The following ELF1 variants were observed in gnomAD, a reference collection of about 807,000 sequenced individuals.
ELF1 encodes E74 like ETS transcription factor 1.
A neutral mutation model predicts 59.9 loss-of-function variants in ELF1; 24 were observed. That is an observed-to-expected ratio of 0.40 (90% CI 0.29 to 0.56). The LOEUF (loss-of-function observed/expected upper bound fraction) is 0.56. Among genes scored for constraint, ELF1 ranks in the 20% least tolerant of loss-of-function variants. ELF1 has a pLI of 0.44. For missense variants in ELF1, 627 were observed against 742.2 expected, an observed-to-expected ratio of 0.84 and a Z score of 1.80; for synonymous variants, 248 against 266.2, an observed-to-expected ratio of 0.93 and a Z score of 0.67.
intron 1 of ELF1, among the ~76,000 whole-genome samples, chr13:41,047,624 G>A (rs894001948): frequency 6.6e-6 from 1 of 152,216 alleles, no homozygotes; most frequent in Non-Finnish European, 1.5e-5. Context: ...GTTGCTGCCT[G>A]ATCATTCCTC....
At chr13:40,944,618 T>C (rs1870393726) in intron 5 of ELF1, among the ~76,000 whole-genome samples, 2 of 152,188 alleles carry the variant, frequency 1.3e-5, no homozygotes, top group Non-Finnish European at 2.9e-5. Flanking sequence ...CGATAAACTA[T>C]TCTAAAGCCG....
chr13:41,017,612 C>T (rs1875483393), intron 1 of ELF1, among the ~76,000 whole-genome samples: 1 of 152,058 alleles, frequency 6.6e-6, no homozygotes, highest in Non-Finnish European at 1.5e-5. Flanking sequence ...CCTTGAAACT[C>T]CACTTCAGTC....
At chr13:41,043,683 C>G (rs1332701037) in intron 1 of ELF1, among the ~76,000 whole-genome samples, 2 of 152,154 alleles carry the variant, frequency 1.3e-5, no homozygotes, top group African/African-American at 4.8e-5. Flanking sequence ...GTAGCAATAC[C>G]ATGCTGTTTT....
chr13:41,020,048 T>C (rs1875628813), upstream of ELF1, among the ~76,000 whole-genome samples: 1 of 152,236 alleles, frequency 6.6e-6, no homozygotes, highest in Non-Finnish European at 1.5e-5. Flanking sequence ...TTCCAAATGA[T>C]AGCTACAGTT....
intron 1 of ELF1, chr13:40,993,130 C>G (rs1465420808): frequency 4.5e-6 from 7 of 1,565,080 alleles, no homozygotes; most frequent in Non-Finnish European, 6.2e-6. Flanking sequence ...TTTTGGCATT[C>G]CTCTAGGACC....
At chr13:40,993,525 G>A (rs1306998626) in intron 1 of ELF1, among the ~76,000 whole-genome samples, 1 of 152,148 alleles carries the variant, frequency 6.6e-6, no homozygotes, top group Admixed American at 6.5e-5. Flanking sequence ...TTGTTGCCCA[G>A]GCTGGAGGGC....
At chr13:41,016,429 A>T (rs1401654832) in intron 1 of ELF1, among the ~76,000 whole-genome samples, 1 of 152,170 alleles carries the variant, frequency 6.6e-6, no homozygotes, top group African/African-American at 2.4e-5. Flanking sequence ...CTTATTTCAA[A>T]GGAGGAGGAG....
intron 1 of ELF1, among the ~76,000 whole-genome samples, chr13:41,054,131 A>C (rs539098694): frequency 6.6e-6 from 1 of 152,312 alleles, no homozygotes; most frequent in South Asian, 2.1e-4. Flanking sequence ...ATTTTAAAAA[A>C]CCAACCCTTC....
chr13:40,991,861 C>T (rs1425361674), intron 1 of ELF1, among the ~76,000 whole-genome samples: 1 of 151,944 alleles, frequency 6.6e-6, no homozygotes, highest in East Asian at 1.9e-4. Context: ...TTGAAAGAAA[C>T]ATTTCTATAG....
intron 1 of ELF1, among the ~76,000 whole-genome samples, chr13:41,013,318 G>A (rs1875183620): frequency 6.6e-6 from 1 of 152,152 alleles, no homozygotes; most frequent in Non-Finnish European, 1.5e-5. Context: ...GGGGAACCAT[G>A]TACAAGTGTT....
At chr13:40,976,494 A>G (rs1872910802) in intron 2 of ELF1, among the ~76,000 whole-genome samples, 1 of 152,286 alleles carries the variant, frequency 6.6e-6, no homozygotes, top group South Asian at 2.1e-4. Flanking sequence ...CTGCATGAAA[A>G]AATCACTGGG....
rs188770244 is a variant in ELF1, at chr13:40,967,868, T to C, written c.73-8852A>G. ...TCGGCCTCCCAAAGTGCTGGGATTA[T>C]AGGTGTGAGCCACCATGCCTTGTCC... is the stretch of plus-strand genomic sequence containing the variant. On this transcript the variant is annotated intron_variant, in intron 2 of 8. Transcript: ENST00000239882. Among the ~76,000 whole-genome samples, 203 of 152,210 alleles carry C rather than the reference T, an allele frequency of 1.3e-3. 3 individuals carry two copies. The highest frequency in any genetic ancestry group is 3.8e-4 in the Non-Finnish European group (26 of 67,986).
At chr13:41,032,861 AAAAAC>A (rs1876223133) in intron 1 of ELF1, among the ~76,000 whole-genome samples, 1 of 150,886 alleles carries the variant, frequency 6.6e-6, no homozygotes. Context: ...AAAAAAAAAA[AAAAAC>A]AAACCAAAGA....
intron 3 of ELF1, among the ~76,000 whole-genome samples, chr13:40,956,679 CTT>C (rs796729160): frequency 7.1e-6 from 1 of 141,038 alleles, no homozygotes; most frequent in African/African-American, 2.6e-5. Context: ...GTCTCTATTA[CTT>C]TTTTTTTTTT....
intron 8 of ELF1, 138 bp downstream of exon 8, chr13:40,940,783 A>G: frequency 4.1e-6 from 4 of 980,692 alleles, no homozygotes; most frequent in Non-Finnish European, 5.8e-6. Context: ...CTGCTCCTGA[A>G]AAATCTGGTA....
At chr13:40,999,654 C>T (rs1055452863) in intron 1 of ELF1, among the ~76,000 whole-genome samples, 5 of 152,314 alleles carry the variant, frequency 3.3e-5, no homozygotes, top group African/African-American at 9.6e-5. Context: ...CATCCAAAAA[C>T]GATGAGGACA....
intron 2 of ELF1, among the ~76,000 whole-genome samples, chr13:40,976,140 T>G (rs1474598063): frequency 1.3e-5 from 2 of 152,342 alleles, no homozygotes; most frequent in East Asian, 3.9e-4. Context: ...GCAACAGGTA[T>G]GAATGTTGGA....
intron 2 of ELF1, among the ~76,000 whole-genome samples, chr13:40,971,069 T>C (rs1350957161): frequency 1.3e-5 from 2 of 152,140 alleles, no homozygotes; most frequent in African/African-American, 4.8e-5. Context: ...GCAATCTGAC[T>C]CTAGAGTCCA....
intron 4 of ELF1, among the ~76,000 whole-genome samples, chr13:40,951,023 T>C (rs964336898): frequency 6.6e-6 from 1 of 152,210 alleles, no homozygotes; most frequent in Non-Finnish European, 1.5e-5. Context: ...GACTAAATTA[T>C]AATCATTTGG....
Sources: allele counts gnomAD v4.1 joint callset (sites outside exome capture counted in the v4.1 genomes callset), GRCh38; gene constraint gnomAD v4.1.1; transcripts MANE v1.5; gene names NCBI Gene and HGNC (gene_info 2026-07-23, HGNC 2026-07-21).